The following PRCP variants were observed in gnomAD, a reference collection of about 807,000 sequenced individuals.
PRCP encodes the protein prolylcarboxypeptidase, also known as lysosomal Pro-X carboxypeptidase.
PRCP carries 46 observed loss-of-function variants against 54.2 expected under a neutral mutation model. That is an observed-to-expected ratio of 0.85 (90% CI 0.67 to 1.09). PRCP has a LOEUF of 1.09. PRCP is among the 50% of genes least tolerant of loss of function. The probability of loss-of-function intolerance (pLI) is 0.00; values close to 1 mark genes in which losing one functional copy is unlikely to be tolerated. For missense variants in PRCP, 613 were observed against 596.8 expected, an observed-to-expected ratio of 1.03 and a Z score of -0.28; for synonymous variants, 240 against 212.2, an observed-to-expected ratio of 1.13 and a Z score of -1.14.
intron 1 of PRCP, among the ~76,000 whole-genome samples, chr11:82,890,062 G>A (rs2121269495): frequency 6.6e-6 from 1 of 151,926 alleles, no homozygotes; most frequent in Non-Finnish European, 1.5e-5. Flanking sequence ...TTCTCACTTG[G>A]CAAAAGTGCA....
chr11:82,873,064 C>G (rs1310641923), intron 1 of PRCP, among the ~76,000 whole-genome samples: 7 of 96,410 alleles, frequency 7.3e-5, no homozygotes, highest in Admixed American at 2.2e-4. Flanking sequence ...TTATTCTGAT[C>G]TGTTTTTTTT....
intron 1 of PRCP, among the ~76,000 whole-genome samples, chr11:82,888,121 G>C (rs1859911142): frequency 6.6e-6 from 1 of 151,990 alleles, no homozygotes; most frequent in Admixed American, 6.6e-5. Context: ...TTTATTATAG[G>C]GGCATTGACC....
chr11:82,899,526 G>T (rs1433497804), intron 1 of PRCP, among the ~76,000 whole-genome samples: 1 of 152,182 alleles, frequency 6.6e-6, no homozygotes, highest in Non-Finnish European at 1.5e-5. Flanking sequence ...ATTTCACAGA[G>T]GATGTACTTT....
At position 82,825,120 on chromosome 11, in the gene PRCP, T is replaced by C. The variant is rs1457626442; in HGVS notation, c.1277A>G (p.Asn426Ser). The C allele has an allele frequency of 5.6e-6, 9 of 1,612,216 alleles. No homozygotes were observed. Among genetic ancestry groups the C allele is most frequent in the African/African-American group, 1.3e-5 (1 of 74,856 alleles). ...TCCTGACCAGGGGTCTAGTTCACCA[T>C]TGCTGCAAGTGAAAAAAAGAAGAAA... ...ISSHTNIVFS[N>S]GELDPWSGGG... Residue 426 changes from asparagine to serine, a missense_variant and splice_region_variant, in exon 9 of 9, where the codon AAT (asparagine) becomes AGT (serine). Asn to Ser is a conservative substitution (Grantham distance 46). Transcript: ENST00000313010.
chr11:82,831,382 G>T (rs1858378530), intron 8 of PRCP: 1 of 152,152 alleles, frequency 6.6e-6, no homozygotes, highest in Non-Finnish European at 1.5e-5. Context: ...GCACTGATTG[G>T]GCACGGGACT....
intron 1 of PRCP, among the ~76,000 whole-genome samples, chr11:82,861,696 G>A (rs1160779534): frequency 6.6e-6 from 1 of 151,986 alleles, no homozygotes; most frequent in African/African-American, 2.4e-5. Flanking sequence ...TATTTCAAAG[G>A]GACAACAGAT....
rs201092188 is a variant in PRCP at position 82,860,074 on chromosome 11, C to T, written c.212G>A (p.Arg71Gln). The T allele has an allele frequency of 2.3e-5, 36 of 1,568,500 alleles. 1 individual carries two copies. Among genetic ancestry groups the T allele is most frequent in the African/African-American group, 9.6e-5 (7 of 72,910 alleles). The change falls in exon 2 of 9, where the codon CGG becomes CAG. Residue 71 changes from arginine (R) to glutamine (Q), a missense_variant. Transcript: ENST00000313010. The stretch of plus-strand genomic sequence containing the variant: ...CCAGTATTTATCAGCTACTAGGTAC[C>T]GCTGATTAAAAGTTTTCACAGTATT... The part of the protein sequence containing the change: ...GFNTVKTFNQ[R>Q]YLVADKYWKK...
intron 1 of PRCP, among the ~76,000 whole-genome samples, chr11:82,866,535 T>G (rs1055932924): frequency 2.0e-5 from 3 of 152,024 alleles, no homozygotes; most frequent in African/African-American, 7.2e-5. Flanking sequence ...AATGAGACTC[T>G]TAGAAATAAA....
rs761895813 is a variant in PRCP, at chr11:82,850,384, C to T, written c.533G>A (p.Gly178Asp). The T allele has an allele frequency of 3.1e-6, 5 of 1,596,912 alleles. No homozygotes were observed. Among genetic ancestry groups the T allele is most frequent in the Non-Finnish European group, 4.3e-6 (5 of 1,170,500 alleles). Reference sequence around the variant, plus strand: ...GGCGGCAAGCATGCCACCATAGGAGCCTCCTATGGCAATGACAGGTTGATT... The same window carrying T: ...GGCGGCAAGCATGCCACCATAGGAGTCTCCTATGGCAATGACAGGTTGATT... ...AENQPVIAIG[G>D]SYGGMLAAWF... is the part of the protein sequence containing the mutation. The change falls in exon 4 of 9, where the codon GGC becomes GAC. Residue 178 changes from glycine (G) to aspartate (D), a missense_variant. Gly to Asp is a moderately conservative substitution (Grantham distance 94). Coordinates refer to ENST00000313010, the MANE Select transcript of PRCP (RefSeq NM_005040.4).
chr11:82,850,557 T>C lies in PRCP; in HGVS notation c.412-52A>G. On this transcript the variant is annotated intron_variant, in intron 3 of 8. Transcript: ENST00000313010. ...GTATAAATGTGCACATAACAGCAGC[T>C]TAGGAATAGCATGGATCCAGAAGAG... is the stretch of plus-strand genomic sequence containing the variant. The C allele has an allele frequency of 2.2e-6, 3 of 1,333,532 alleles. No individual in the cohort carries two copies. In the South Asian group the frequency reaches 5.5e-5, roughly 25 times the overall value. The allele number at this position is 1,333,532 out of a possible 1,614,324, so 82.6% of individuals were successfully genotyped here. A position where few individuals can be genotyped will look rare whatever the true frequency, so the allele number is the denominator to read the frequency against.
intron 8 of PRCP, chr11:82,835,525 C>G (rs548473243): frequency 3.8e-6 from 1 of 261,348 alleles, no homozygotes; most frequent in Non-Finnish European, 7.5e-6. Flanking sequence ...GGGGATGAGA[C>G]AGTTTTTGGT....
At chr11:82,884,472 G>A (rs1047675777) in intron 1 of PRCP, among the ~76,000 whole-genome samples, 1 of 152,142 alleles carries the variant, frequency 6.6e-6, no homozygotes, top group Non-Finnish European at 1.5e-5. Context: ...TGGGAGAACT[G>A]ATTGAGCCCG....
intron 1 of PRCP, among the ~76,000 whole-genome samples, chr11:82,875,959 C>T (rs1344150952): frequency 2.0e-5 from 3 of 152,182 alleles, no homozygotes; most frequent in Non-Finnish European, 4.4e-5. Context: ...CATGGATTTC[C>T]TCCTGCCTGG....
At position 82,875,161 on chromosome 11, in the gene PRCP, C is replaced by A. The variant is rs138774891; in HGVS notation, c.169-15044G>T. On this transcript the variant is annotated intron_variant, in intron 1 of 8. Coordinates refer to ENST00000313010, the MANE Select transcript of PRCP (RefSeq NM_005040.4). Reference sequence around the variant, plus strand: ...TAATCTCAATTGTTCTTCAGAGGAACCCTATGGAGTAGAGAGGCTGTGTTT... The same window carrying A: ...TAATCTCAATTGTTCTTCAGAGGAAACCTATGGAGTAGAGAGGCTGTGTTT... Among the ~76,000 whole-genome samples, 4 of 152,272 alleles carry A rather than the reference C, an allele frequency of 2.6e-5. No individual in the cohort carries two copies. In the East Asian group the frequency reaches 7.7e-4, roughly 29 times the overall value.
At chr11:82,850,942 G>A (rs7925212) in intron 3 of PRCP, among the ~76,000 whole-genome samples, 69,054 of 151,616 alleles carry the variant, frequency 0.46, 15,787 homozygotes, top group Admixed American at 0.52. Context: ...TCATCGGAAA[G>A]ATTATATATG....
chr11:82,867,482 G>A (rs1481115163), intron 1 of PRCP, among the ~76,000 whole-genome samples: 3 of 152,164 alleles, frequency 2.0e-5, no homozygotes, highest in African/African-American at 7.2e-5. Flanking sequence ...ACAGTTAAGT[G>A]TTTCATTAGA....
intron 8 of PRCP, chr11:82,830,482 G>A (rs1858350910): frequency 1.3e-5 from 2 of 151,718 alleles, no homozygotes; most frequent in Admixed American, 6.6e-5. Flanking sequence ...ACAACAATTA[G>A]CCGGGCGTGG....
chr11:82,900,834 C>CA (rs1045074612), upstream of PRCP: 4 of 461,062 alleles, frequency 8.7e-6, no homozygotes, highest in African/African-American at 8.0e-5. Context: ...CATTGCGACA[C>CA]CTCCTGCCTT....
At chr11:82,839,174 C>G in intron 7 of PRCP, 87 bp downstream of exon 7, 2 of 1,427,040 alleles carry the variant, frequency 1.4e-6, no homozygotes, top group Admixed American at 4.4e-5. Flanking sequence ...GGTTAGGTGA[C>G]AAAATCTTGT....
Sources: allele counts gnomAD v4.1 joint callset (sites outside exome capture counted in the v4.1 genomes callset), GRCh38; gene constraint gnomAD v4.1.1; transcripts MANE v1.5; gene names NCBI Gene and HGNC (gene_info 2026-07-23, HGNC 2026-07-21).